Variants in PRDM16 observed in about 807,000 individuals in gnomAD.
PRDM16 encodes PR/SET domain 16.
A neutral mutation model predicts 110.6 loss-of-function variants in PRDM16; 23 were observed. The observed-to-expected ratio is 0.21, with a 90% confidence interval of 0.15 to 0.29. PRDM16 has a LOEUF of 0.29. Ranked by LOEUF, PRDM16 falls within the 10% of genes least tolerant of loss-of-function variation. PRDM16 has a pLI of 1.00. For synonymous variants in PRDM16, 799 were observed against 781.8 expected (o/e 1.02, Z -0.37); for missense variants, 1,615 against 1,794.3 (o/e 0.90, Z 1.81).
At chr1:3,365,964 A>ACACACACGCACACACACATG (rs1557635627) in intron 3 of PRDM16, among the ~76,000 whole-genome samples, 2 of 151,412 alleles carry the variant, frequency 1.3e-5, no homozygotes, top group African/African-American at 4.9e-5. Context: ...GCACACATGC[A>ACACACACGCACACACACATG]CACACACGCA....
chr1:3,138,465 T>C (rs1000545297), intron 1 of PRDM16, among the ~76,000 whole-genome samples: 21 of 152,146 alleles, frequency 1.4e-4, no homozygotes, highest in African/African-American at 4.6e-4. Context: ...CTCCGTCCAG[T>C]CTCTGAGGTT....
chr1:3,389,435 A>AG (rs1290141290), intron 4 of PRDM16, among the ~76,000 whole-genome samples: 1 of 152,140 alleles, frequency 6.6e-6, no homozygotes, highest in Non-Finnish European at 1.5e-5. Flanking sequence ...CGTGGGGCTG[A>AG]GGGGGCTGCT....
chr1:3,279,325 T>C (rs1235541199), intron 3 of PRDM16, among the ~76,000 whole-genome samples: 1 of 152,138 alleles, frequency 6.6e-6, no homozygotes, highest in African/African-American at 2.4e-5. Flanking sequence ...GCAGGGTAGA[T>C]GTTCTCCCCT....
intron 5 of PRDM16, among the ~76,000 whole-genome samples, chr1:3,400,922 G>A (rs1299673037): frequency 2.0e-5 from 3 of 152,074 alleles, no homozygotes; most frequent in South Asian, 2.1e-4. Context: ...GTCCAAAGAC[G>A]GCACCAAAAA....
At chr1:3,335,470 C>T (rs1016647990) in intron 3 of PRDM16, among the ~76,000 whole-genome samples, 1 of 152,186 alleles carries the variant, frequency 6.6e-6, no homozygotes, top group African/African-American at 2.4e-5. Context: ...TGTCCGAAAG[C>T]GTGCTCAACA....
intron 1 of PRDM16, among the ~76,000 whole-genome samples, chr1:3,070,746 G>T (rs946215046): frequency 2.0e-5 from 3 of 152,112 alleles, no homozygotes; most frequent in Admixed American, 6.5e-5. Context: ...GGCCCGCCCG[G>T]CTCGTCCCAA....
At chr1:3,318,629 A>G (rs1641668938) in intron 3 of PRDM16, among the ~76,000 whole-genome samples, 1 of 152,126 alleles carries the variant, frequency 6.6e-6, no homozygotes, top group South Asian at 2.1e-4. Flanking sequence ...CTATCTGTCT[A>G]ATTTATTTTC....
chr1:3,427,532 C>T (rs1256901808), intron 14 of PRDM16, among the ~76,000 whole-genome samples: 2 of 152,176 alleles, frequency 1.3e-5, no homozygotes, highest in East Asian at 3.9e-4. Context: ...AGCCCATCCC[C>T]TCCTCCAGGG....
At chr1:3,297,549 G>A (rs763623825) in intron 3 of PRDM16, among the ~76,000 whole-genome samples, 6 of 152,088 alleles carry the variant, frequency 3.9e-5, no homozygotes, top group Non-Finnish European at 7.4e-5. Context: ...CTCCAAAAAC[G>A]GTGGGATTGC....
At chr1:3,107,972 G>A (rs978243155) in intron 1 of PRDM16, among the ~76,000 whole-genome samples, 2 of 152,248 alleles carry the variant, frequency 1.3e-5, no homozygotes, top group Admixed American at 1.3e-4. Context: ...GAATAGCAAG[G>A]CAGCACTGGC....
At chr1:3,402,258 C>T (rs565799559) in intron 5 of PRDM16, among the ~76,000 whole-genome samples, 1 of 106,846 alleles carries the variant, frequency 9.4e-6, no homozygotes, top group Non-Finnish European at 2.3e-5. Context: ...GAGGCAGGGA[C>T]GGGCCCAGAG....
Position 3,069,593 on chromosome 1 carries a change from G to C in PRDM16, c.37+297G>C, listed in dbSNP as rs920973762. ...TCGGGCCCGGGAACCCGAGGCGCGC[G>C]GTGGGGGCCGGGGAGGGGGGCGGAG... On this transcript the variant is annotated intron_variant, in intron 1 of 16. Transcript: ENST00000270722. This position sits in a 1 kb window ranked among gnomAD's most constrained non-coding sequence, Gnocchi z 6.1. Among the ~76,000 whole-genome samples, 1 of 150,072 alleles carries C rather than the reference G, an allele frequency of 6.7e-6. No individual in the cohort carries two copies. The highest frequency in any genetic ancestry group is 2.4e-5 in the African/African-American group (1 of 41,280).
intron 5 of PRDM16, among the ~76,000 whole-genome samples, chr1:3,400,084 G>T (rs997028168): frequency 6.6e-6 from 1 of 152,196 alleles, no homozygotes; most frequent in African/African-American, 2.4e-5. Flanking sequence ...GGCTCACCTC[G>T]CTTTCCCCAA....
rs552706102 is a variant in PRDM16 at position 3,251,930 on chromosome 1, T to G, written c.438+7793T>G. Among the ~76,000 whole-genome samples the G allele has an allele frequency of 8.5e-5, 13 of 152,234 alleles. No homozygotes were observed. In the South Asian group the frequency reaches 2.7e-3, roughly 32 times the overall value. ...ACACCTCAGCAAAGTCTGTGGTAAT[T>G]GGTTTGGGCGGGGAGTTCTCTCTTC... On this transcript the variant is annotated intron_variant, in intron 3 of 16. Transcript: ENST00000270722.
intron 1 of PRDM16, among the ~76,000 whole-genome samples, chr1:3,110,056 GC>G (rs1642749456): frequency 2.0e-5 from 3 of 150,684 alleles, no homozygotes; most frequent in African/African-American, 7.3e-5. Context: ...GGGACACAGT[GC>G]TCGGGGGCTC....
chr1:3,101,644 T>G (rs533010948), intron 1 of PRDM16, among the ~76,000 whole-genome samples: 1 of 152,208 alleles, frequency 6.6e-6, no homozygotes, highest in East Asian at 1.9e-4. Context: ...GGGTCTCTGC[T>G]CCGGGCCAGG....
chr1:3,309,598 C>CAAGT (rs1364004337), intron 3 of PRDM16: 4 of 152,416 alleles, frequency 2.6e-5, no homozygotes. Flanking sequence ...CAGGGCTGGC[C>CAAGT]AAGTGCTTGA....
Position 3,235,149 on chromosome 1 carries a change from T to C in PRDM16, c.388-8938T>C, listed in dbSNP as rs112993910. Reference sequence around the variant, plus strand: ...GCCCTGCCTGCAGGTCCTGGGGCCCTGCGAGGCCGCCCAGCCGCTCCAGGC... The same window carrying C: ...GCCCTGCCTGCAGGTCCTGGGGCCCCGCGAGGCCGCCCAGCCGCTCCAGGC... On this transcript the variant is annotated intron_variant, in intron 2 of 16. Transcript: ENST00000270722. Among the ~76,000 whole-genome samples, 366 of 152,314 alleles carry C rather than the reference T, an allele frequency of 2.4e-3. 4 individuals carry two copies. The highest frequency in any genetic ancestry group is 8.5e-3 in the African/African-American group (355 of 41,582).
intron 12 of PRDM16, among the ~76,000 whole-genome samples, chr1:3,420,182 A>G (rs1638388713): frequency 6.6e-6 from 1 of 152,186 alleles, no homozygotes; most frequent in Admixed American, 6.5e-5. Flanking sequence ...ATTGCTTTGC[A>G]AGTTTGTGTT....
Sources: allele counts gnomAD v4.1 joint callset (sites outside exome capture counted in the v4.1 genomes callset), GRCh38; gene constraint gnomAD v4.1.1; non-coding constraint Gnocchi (gnomAD v3.1); transcripts MANE v1.5; gene names NCBI Gene and HGNC (gene_info 2026-07-23, HGNC 2026-07-21).